Variants in ROR1 observed in about 807,000 individuals in gnomAD.
ROR1 encodes inactive tyrosine-protein kinase transmembrane receptor ROR1.
In ROR1, 19 loss-of-function variants were observed where a neutral mutation model predicts 78.8. The ratio of observed to expected loss-of-function variants is 0.24; its 90% CI spans 0.17 to 0.35. The LOEUF is 0.35. ROR1 is among the 10% of genes least tolerant of loss of function. The pLI is 1.00. For missense variants in ROR1, 917 were observed against 1,177.8 expected (o/e 0.78, Z 3.24); for synonymous variants, 386 against 433.6 (o/e 0.89, Z 1.36).
chr1:63,846,171 T>TGTGTGTGTGTG (rs1491554088), intron 1 of ROR1, among the ~76,000 whole-genome samples: 1 of 113,232 alleles, frequency 8.8e-6, no homozygotes, highest in Non-Finnish European at 1.9e-5. Flanking sequence ...TGTGTGTGTG[T>TGTGTGTGTGTG]TTGAGAAATC....
At chr1:63,877,000 TTTTCC>T (rs1420048459) in intron 1 of ROR1, among the ~76,000 whole-genome samples, 1 of 152,116 alleles carries the variant, frequency 6.6e-6, no homozygotes, top group African/African-American at 2.4e-5. Context: ...TGTGCATTGT[TTTTCC>T]TTTCTTGGAA....
At chr1:64,138,162 G>T (rs1250354479) in intron 5 of ROR1, among the ~76,000 whole-genome samples, 3 of 152,182 alleles carry the variant, frequency 2.0e-5, no homozygotes, top group Non-Finnish European at 4.4e-5. Context: ...CGTTCTGGTG[G>T]TTACAGCAGC....
At chr1:64,016,979 G>A (rs1570064620) in intron 2 of ROR1, among the ~76,000 whole-genome samples, 1 of 151,962 alleles carries the variant, frequency 6.6e-6, no homozygotes, top group Non-Finnish European at 1.5e-5. Flanking sequence ...GTCCAGTGAT[G>A]TGATCATGGC....
At chr1:63,946,831 T>A (rs1251720439) in intron 1 of ROR1, among the ~76,000 whole-genome samples, 1 of 152,198 alleles carries the variant, frequency 6.6e-6, no homozygotes, top group African/African-American at 2.4e-5. Context: ...GATATCCTAA[T>A]GCCAGACGTG....
chr1:63,842,386 A>G (rs1040001543), intron 1 of ROR1, among the ~76,000 whole-genome samples: 3 of 152,214 alleles, frequency 2.0e-5, no homozygotes, highest in African/African-American at 7.2e-5. Flanking sequence ...CCCAACTCCC[A>G]TAGGATGTCA....
chr1:64,066,044 A>G (rs955532500), intron 4 of ROR1, among the ~76,000 whole-genome samples: 5 of 152,180 alleles, frequency 3.3e-5, no homozygotes, highest in African/African-American at 1.2e-4. Flanking sequence ...TTCCATAGAT[A>G]ACAGAAAAGT....
chr1:64,178,878 G>C lies in ROR1; in HGVS notation c.*23G>C, dbSNP rs1421461937. The C allele has an allele frequency of 1.3e-6, 2 of 1,562,330 alleles. No individual in the cohort carries two copies. Among genetic ancestry groups the C allele is most frequent in the Admixed American group, 1.7e-5 (1 of 58,236 alleles). On this transcript the variant is annotated 3_prime_UTR_variant, in exon 9 of 9. Transcript: ENST00000371079. The surrounding 1 kb of genome is among the most constrained non-coding windows in gnomAD (Gnocchi z 4.3). ...TAAAATGCACAACTTTTGTAAATGT[G>C]GTATACAGGACAAACTAGACGGCCG...
At chr1:63,972,269 T>C (rs959492645) in intron 1 of ROR1, among the ~76,000 whole-genome samples, 9 of 152,148 alleles carry the variant, frequency 5.9e-5, no homozygotes, top group African/African-American at 2.2e-4. Context: ...GAATGTAGCA[T>C]TTTCATCCTC....
At chr1:64,022,816 G>A (rs1045470315) in intron 2 of ROR1, among the ~76,000 whole-genome samples, 1 of 152,218 alleles carries the variant, frequency 6.6e-6, no homozygotes, top group East Asian at 1.9e-4. Context: ...TGTGTTAAAA[G>A]AACTGTGAGC....
chr1:63,843,686 T>C (rs1480594747), intron 1 of ROR1: 1 of 538,316 alleles, frequency 1.9e-6, no homozygotes, highest in East Asian at 4.8e-5. Flanking sequence ...CCAGAGGCCA[T>C]GTTTCCAGAA....
chr1:64,076,571 A>C (rs1195264161), intron 4 of ROR1, among the ~76,000 whole-genome samples: 1 of 152,114 alleles, frequency 6.6e-6, no homozygotes, highest in Non-Finnish European at 1.5e-5. Flanking sequence ...TGCATTAAAA[A>C]CCAGTTTACA....
chr1:64,149,761 T>C (rs916162260), intron 7 of ROR1, among the ~76,000 whole-genome samples: 2 of 152,212 alleles, frequency 1.3e-5, no homozygotes, highest in Non-Finnish European at 2.9e-5. Flanking sequence ...GTAAACTAAA[T>C]TGAGAAAGAA....
At chr1:63,891,493 G>C (rs1284214563) in intron 1 of ROR1, among the ~76,000 whole-genome samples, 1 of 152,152 alleles carries the variant, frequency 6.6e-6, no homozygotes, top group Non-Finnish European at 1.5e-5. Flanking sequence ...TTCAGGATTG[G>C]TAAGTGTGAT....
chr1:64,096,142 T>C (rs990981152), intron 4 of ROR1, among the ~76,000 whole-genome samples: 1 of 152,182 alleles, frequency 6.6e-6, no homozygotes, highest in Non-Finnish European at 1.5e-5. Context: ...TGAGATACCA[T>C]CTGATTTGGT....
intron 4 of ROR1, among the ~76,000 whole-genome samples, chr1:64,115,089 C>T (rs967924404): frequency 4.6e-5 from 7 of 152,072 alleles, no homozygotes; most frequent in African/African-American, 7.2e-5. Flanking sequence ...CTCAGCCTCC[C>T]GAGTAGCTGG....
chr1:63,942,974 C>T lies in ROR1; in HGVS notation c.92-66331C>T, dbSNP rs571894561. Among the ~76,000 whole-genome samples, 5 of 151,734 alleles carry T rather than the reference C, an allele frequency of 3.3e-5. No individual in the cohort carries two copies. In the South Asian group the frequency reaches 6.3e-4, roughly 19 times the overall value. ...GCATGGTGGAGCGTGACGATTGTCC[C>T]AGCTACTCAGGAGGCTGAAGTGGGA... On this transcript the variant is annotated intron_variant, in intron 1 of 8. Coordinates refer to ENST00000371079, the MANE Select transcript of ROR1 (RefSeq NM_005012.4).
At chr1:63,871,336 C>T (rs1407710055) in intron 1 of ROR1, among the ~76,000 whole-genome samples, 1 of 152,096 alleles carries the variant, frequency 6.6e-6, no homozygotes, top group Admixed American at 6.6e-5. Context: ...AAAGTTGAGG[C>T]CTCGAGCTGA....
intron 1 of ROR1, among the ~76,000 whole-genome samples, chr1:64,000,842 C>T (rs374516621): frequency 3.9e-5 from 6 of 152,338 alleles, no homozygotes; most frequent in African/African-American, 1.4e-4. Flanking sequence ...TGTCTTAGAA[C>T]CCTGTGCCTA....
intron 1 of ROR1, among the ~76,000 whole-genome samples, chr1:63,931,005 A>C (rs910355473): frequency 3.3e-5 from 5 of 152,220 alleles, no homozygotes; most frequent in Non-Finnish European, 7.3e-5. Context: ...GGCCGGATGC[A>C]GTGGCTCAGC....
Sources: allele counts gnomAD v4.1 joint callset (sites outside exome capture counted in the v4.1 genomes callset), GRCh38; gene constraint gnomAD v4.1.1; non-coding constraint Gnocchi (gnomAD v3.1); transcripts MANE v1.5; gene names NCBI Gene and HGNC (gene_info 2026-07-23, HGNC 2026-07-21).